The following PSD3 variants were observed in gnomAD, a reference collection of about 807,000 sequenced individuals.
PSD3 encodes PH and SEC7 domain-containing protein 3.
Under a neutral mutation model 105.5 loss-of-function variants are expected in PSD3, and 49 were observed. The observed-to-expected ratio is 0.46, with a 90% CI of 0.37 to 0.59. The LOEUF (loss-of-function observed/expected upper bound fraction) is 0.59, where lower values mean the gene tolerates loss of function less well. Among genes scored for constraint, PSD3 ranks in the 20% least tolerant of loss-of-function variants. The pLI is 0.00. For synonymous variants in PSD3, 557 were observed against 457.8 expected (o/e 1.22, Z -2.77); for missense variants, 1,561 against 1,263.8 (o/e 1.24, Z -3.57).
intron 2 of PSD3, among the ~76,000 whole-genome samples, chr8:18,875,356 C>T (rs1190146199): frequency 1.3e-5 from 2 of 152,118 alleles, no homozygotes; most frequent in Non-Finnish European, 2.9e-5. Flanking sequence ...ACTTTTCAAA[C>T]AATGAATTGA....
At chr8:18,625,249 G>C (rs1563393151) in intron 11 of PSD3, among the ~76,000 whole-genome samples, 1 of 151,460 alleles carries the variant, frequency 6.6e-6, no homozygotes, top group Non-Finnish European at 1.5e-5. Flanking sequence ...AAGAATTTTT[G>C]CTTCTAATTA....
intron 2 of PSD3, among the ~76,000 whole-genome samples, chr8:18,915,740 C>T (rs1181651896): frequency 1.3e-5 from 2 of 152,078 alleles, no homozygotes; most frequent in Non-Finnish European, 2.9e-5. Flanking sequence ...ATGCTGGAGC[C>T]ATGTGGGAAG....
At chr8:18,537,208 T>A (rs1799894889) in intron 15 of PSD3, among the ~76,000 whole-genome samples, 1 of 152,124 alleles carries the variant, frequency 6.6e-6, no homozygotes, top group Non-Finnish European at 1.5e-5. Flanking sequence ...TTAACACAGG[T>A]CATTCACACA....
At chr8:19,026,135 G>C (rs1297136956) in intron 1 of PSD3, among the ~76,000 whole-genome samples, 1 of 152,140 alleles carries the variant, frequency 6.6e-6, no homozygotes, top group African/African-American at 2.4e-5. Flanking sequence ...CTGCCCCCAT[G>C]ATTCAATTGC....
At chr8:18,703,159 C>T (rs889096072) in intron 9 of PSD3, among the ~76,000 whole-genome samples, 1 of 152,150 alleles carries the variant, frequency 6.6e-6, no homozygotes, top group Admixed American at 6.5e-5. Context: ...AAGAAGGCAA[C>T]ACCACCAGCA....
intron 4 of PSD3, among the ~76,000 whole-genome samples, chr8:18,858,561 T>G (rs1418795566): frequency 1.3e-5 from 2 of 152,222 alleles, no homozygotes; most frequent in African/African-American, 2.4e-5. Flanking sequence ...CAAAACTTTT[T>G]TTTTTCAAAG....
chr8:19,017,861 A>G (rs532526289), upstream of PSD3, among the ~76,000 whole-genome samples: 4 of 152,332 alleles, frequency 2.6e-5, no homozygotes, highest in South Asian at 2.1e-4. Context: ...TAACACTACT[A>G]TAAAAATTTA....
chr8:18,833,478 T>C (rs895651856), intron 4 of PSD3, among the ~76,000 whole-genome samples: 1 of 152,202 alleles, frequency 6.6e-6, no homozygotes, highest in African/African-American at 2.4e-5. Context: ...GCAGGTATAA[T>C]ACATTTTAAC....
chr8:18,690,392 G>A (rs1409577709), intron 9 of PSD3, among the ~76,000 whole-genome samples: 3 of 152,164 alleles, frequency 2.0e-5, no homozygotes, highest in Non-Finnish European at 4.4e-5. Context: ...AACACACAAG[G>A]TATCATGAGG....
chr8:18,538,047 G>A (rs1384557415), intron 15 of PSD3, among the ~76,000 whole-genome samples: 4 of 152,230 alleles, frequency 2.6e-5, no homozygotes, highest in Non-Finnish European at 4.4e-5. Context: ...GACATGGGCA[G>A]TAGGTATGAG....
rs1379291805 is a variant in PSD3 at position 18,872,177 on chromosome 8, A to C, written c.687T>G (p.Ile229Met). ...TCCTCCCATTATTCATTATCTGGGA[A>C]ATCTCTGCCTGAGTGTCTCCAGTTA... ...ALLTGDTQAEISQIMNNGRKG... is the reference protein window; with the variant it reads ...ALLTGDTQAEMSQIMNNGRKG... The change falls in exon 3 of 16, where the codon ATT becomes ATG. Residue 229 changes from isoleucine to methionine, a missense_variant. Physicochemically the swap from Ile to Met is conservative, Grantham distance 10. Transcript: ENST00000327040. 5 of 1,614,192 alleles carry C rather than the reference A, an allele frequency of 3.1e-6. No homozygotes were observed. Among genetic ancestry groups the C allele is most frequent in the Non-Finnish European group, 4.2e-6 (5 of 1,180,024 alleles).
chr8:18,910,086 T>G (rs977350531), intron 2 of PSD3, among the ~76,000 whole-genome samples: 3 of 152,136 alleles, frequency 2.0e-5, no homozygotes, highest in African/African-American at 7.2e-5. Context: ...GGCACCCAAA[T>G]GCTCCCAATG....
intron 11 of PSD3, among the ~76,000 whole-genome samples, chr8:18,608,544 G>C (rs1805030053): frequency 6.6e-6 from 1 of 152,108 alleles, no homozygotes; most frequent in Non-Finnish European, 1.5e-5. Flanking sequence ...TTACAAACCA[G>C]TTATTATTTT....
chr8:19,060,506 C>T (rs968960641), intron 1 of PSD3, among the ~76,000 whole-genome samples: 1 of 152,140 alleles, frequency 6.6e-6, no homozygotes, highest in African/African-American at 2.4e-5. Context: ...TGATGGCACA[C>T]ACCTGTAGTC....
chr8:18,649,860 T>G (rs969589297), intron 10 of PSD3, among the ~76,000 whole-genome samples: 2 of 152,184 alleles, frequency 1.3e-5, no homozygotes, highest in Non-Finnish European at 2.9e-5. Flanking sequence ...GCTCTGGCCA[T>G]GTGAAGTGCT....
intron 15 of PSD3, among the ~76,000 whole-genome samples, chr8:18,546,929 C>A (rs1292286478): frequency 6.6e-6 from 1 of 152,190 alleles, no homozygotes; most frequent in African/African-American, 2.4e-5. Flanking sequence ...GACATATTTG[C>A]TGGCTTGTAC....
intron 2 of PSD3, among the ~76,000 whole-genome samples, chr8:18,885,036 T>C (rs116509020): frequency 0.013 from 2,050 of 152,290 alleles, 56 homozygotes; most frequent in African/African-American, 0.046. Context: ...TCTTTAAAAT[T>C]GCCGTTTTTC....
intron 1 of PSD3, among the ~76,000 whole-genome samples, chr8:19,007,028 A>T (rs1463985383): frequency 1.3e-5 from 2 of 151,938 alleles, no homozygotes; most frequent in Non-Finnish European, 2.9e-5. Flanking sequence ...GCTGAGGGGG[A>T]CAGATCACCT....
At chr8:18,822,401 T>TC (rs1563313344) in intron 4 of PSD3, among the ~76,000 whole-genome samples, 1 of 152,124 alleles carries the variant, frequency 6.6e-6, no homozygotes, top group Non-Finnish European at 1.5e-5. Context: ...GTACAGTCCA[T>TC]CCCCGGGAGT....
Sources: allele counts gnomAD v4.1 joint callset (sites outside exome capture counted in the v4.1 genomes callset), GRCh38; gene constraint gnomAD v4.1.1; transcripts MANE v1.5; gene names NCBI Gene and HGNC (gene_info 2026-07-23, HGNC 2026-07-21).